Variants in TMEM132D observed in about 807,000 individuals in gnomAD.
The protein encoded by TMEM132D is transmembrane protein 132D.
Under a neutral mutation model 62.3 loss-of-function variants are expected in TMEM132D, and 21 were observed. The ratio of observed to expected loss-of-function variants is 0.34; its 90% CI spans 0.24 to 0.49. TMEM132D has a LOEUF of 0.49. TMEM132D is among the 20% of genes least tolerant of loss of function. TMEM132D has a pLI of 0.99. For missense variants in TMEM132D, 1,346 were observed against 1,402.8 expected, an observed-to-expected ratio of 0.96 and a Z score of 0.65; for synonymous variants, 621 against 575.6, an observed-to-expected ratio of 1.08 and a Z score of -1.13.
chr12:129,754,360 A>T (rs948615272), intron 1 of TMEM132D, among the ~76,000 whole-genome samples: 1 of 152,220 alleles, frequency 6.6e-6, no homozygotes, highest in Non-Finnish European at 1.5e-5. Flanking sequence ...GAGAGTTGAC[A>T]TGTCTGGATG....
rs2135602033 is a variant in TMEM132D at position 129,074,157 on chromosome 12, T to A, written c.3018A>T (p.Thr1006=). 1 of 1,614,120 alleles carries A rather than the reference T, an allele frequency of 6.2e-7. No homozygotes were observed. The highest frequency in any genetic ancestry group is 8.5e-7 in the Non-Finnish European group (1 of 1,180,024). The change falls in exon 9 of 9, where the codon ACA becomes ACT. Residue 1006 remains threonine, a synonymous_variant. Coordinates refer to ENST00000422113, the MANE Select transcript of TMEM132D (RefSeq NM_133448.3). ...GCCCATTGATGCTTTTTTGGGAGTT[T>A]GTGCTGAGGAGATATTTACTTTCCT... ...DFEESKYLLS[T]NSQKSINGQL...
intron 3 of TMEM132D, among the ~76,000 whole-genome samples, chr12:129,397,214 G>C (rs1435507812): frequency 6.6e-6 from 1 of 152,118 alleles, no homozygotes; most frequent in Non-Finnish European, 1.5e-5. Flanking sequence ...GAACTTAATA[G>C]ATGTTTATTA....
intron 2 of TMEM132D, among the ~76,000 whole-genome samples, chr12:129,662,823 A>AGAGG (rs1405753791): frequency 2.0e-5 from 3 of 147,252 alleles, no homozygotes; most frequent in Non-Finnish European, 4.5e-5. Flanking sequence ...AGAGAGAGAG[A>AGAGG]GAAAGAAATA....
intron 1 of TMEM132D, among the ~76,000 whole-genome samples, chr12:129,712,815 C>G (rs766310789): frequency 5.3e-5 from 8 of 152,020 alleles, no homozygotes; most frequent in Admixed American, 6.5e-5. Context: ...TTCCTTCCTG[C>G]TGTGTAGGAA....
At chr12:129,276,797 T>A (rs1392940160) in intron 4 of TMEM132D, among the ~76,000 whole-genome samples, 7 of 152,252 alleles carry the variant, frequency 4.6e-5, no homozygotes, top group Non-Finnish European at 1.0e-4. Flanking sequence ...GCAATTTGTT[T>A]ACCTAATGCA....
At chr12:129,657,102 G>A (rs557391265) in intron 2 of TMEM132D, among the ~76,000 whole-genome samples, 11 of 152,266 alleles carry the variant, frequency 7.2e-5, no homozygotes, top group East Asian at 1.9e-4. Flanking sequence ...TTAGACTCAC[G>A]GAAGTTAAAG....
intron 3 of TMEM132D, among the ~76,000 whole-genome samples, chr12:129,524,297 T>G (rs1288701624): frequency 6.6e-6 from 1 of 152,180 alleles, no homozygotes; most frequent in Non-Finnish European, 1.5e-5. Context: ...TTATGCCATC[T>G]ATACCTGTAT....
intron 1 of TMEM132D, among the ~76,000 whole-genome samples, chr12:129,859,842 T>G (rs1238782068): frequency 6.6e-6 from 1 of 152,158 alleles, no homozygotes; most frequent in East Asian, 1.9e-4. Flanking sequence ...GCCTCCCTGC[T>G]TTTAAGGTTT....
chr12:129,425,189 T>C (rs183234989), intron 3 of TMEM132D, among the ~76,000 whole-genome samples: 27 of 152,366 alleles, frequency 1.8e-4, no homozygotes, highest in Admixed American at 3.9e-4. Context: ...TTTCAGCTAT[T>C]ATGAATAATG....
chr12:129,549,465 T>G (rs2137104487), intron 2 of TMEM132D, among the ~76,000 whole-genome samples: 1 of 152,328 alleles, frequency 6.6e-6, no homozygotes, highest in African/African-American at 2.4e-5. Flanking sequence ...TCATGGGATC[T>G]GATGGTTTTG....
At chr12:129,873,973 C>G (rs559160076) in intron 1 of TMEM132D, among the ~76,000 whole-genome samples, 1 of 152,166 alleles carries the variant, frequency 6.6e-6, no homozygotes, top group Non-Finnish European at 1.5e-5. Context: ...ATCTTTGATT[C>G]CATGATCTAC....
At chr12:129,152,763 G>A (rs1872715) in intron 5 of TMEM132D, among the ~76,000 whole-genome samples, 2 of 152,152 alleles carry the variant, frequency 1.3e-5, no homozygotes, top group African/African-American at 2.4e-5. Context: ...CCTCACGTTC[G>A]TTTCTCTCCC....
chr12:129,520,611 G>A (rs1461601680), intron 3 of TMEM132D, among the ~76,000 whole-genome samples: 1 of 152,166 alleles, frequency 6.6e-6, no homozygotes, highest in Non-Finnish European at 1.5e-5. Context: ...GTTATTGTCA[G>A]AGTTTCAGGA....
chr12:129,381,737 C>T (rs1279389956), intron 3 of TMEM132D, among the ~76,000 whole-genome samples: 1 of 152,018 alleles, frequency 6.6e-6, no homozygotes, highest in Non-Finnish European at 1.5e-5. Context: ...ATTAAACCTA[C>T]AGGAAGGCAC....
At chr12:129,565,231 A>T (rs1202254868) in intron 2 of TMEM132D, among the ~76,000 whole-genome samples, 2 of 152,202 alleles carry the variant, frequency 1.3e-5, no homozygotes, top group Non-Finnish European at 2.9e-5. Context: ...AGTAAAGAAG[A>T]ATCCCACAAA....
intron 5 of TMEM132D, chr12:129,111,380 G>T (rs1279362172): frequency 1.3e-5 from 2 of 152,200 alleles, no homozygotes; most frequent in Admixed American, 6.5e-5. Flanking sequence ...ACAACTGTCT[G>T]CTGTGGAAAG....
chr12:129,632,589 G>C (rs1879376701), intron 2 of TMEM132D, among the ~76,000 whole-genome samples: 1 of 152,206 alleles, frequency 6.6e-6, no homozygotes, highest in Non-Finnish European at 1.5e-5. Flanking sequence ...CCACTGGCCT[G>C]CAGACATGGC....
At chr12:129,574,786 C>G (rs1055740993) in intron 2 of TMEM132D, among the ~76,000 whole-genome samples, 1 of 151,716 alleles carries the variant, frequency 6.6e-6, no homozygotes, top group East Asian at 1.9e-4. Context: ...AGGTTTGCTG[C>G]GCCCCTCAGT....
At chr12:129,728,033 T>G (rs1203458556) in intron 1 of TMEM132D, among the ~76,000 whole-genome samples, 1 of 152,180 alleles carries the variant, frequency 6.6e-6, no homozygotes, top group African/African-American at 2.4e-5. Flanking sequence ...CTGTCTCTAT[T>G]TTTGCATCTC....
Sources: gnomAD v4.1 joint callset for allele counts (sites outside exome capture counted in the v4.1 genomes callset) on GRCh38, gnomAD v4.1.1 for gene constraint, MANE v1.5 for transcripts, NCBI Gene and HGNC (gene_info 2026-07-23, HGNC 2026-07-21) for gene names.